Variants in PRELID2 observed in about 807,000 individuals in gnomAD.
The protein encoded by PRELID2 is PRELI domain containing 2.
In PRELID2, 25 loss-of-function variants were observed where a neutral mutation model predicts 28.4. That is an observed-to-expected ratio of 0.88 (90% CI 0.64 to 1.23). PRELID2 has a LOEUF of 1.23. Ranked by LOEUF, PRELID2 falls within the 50% of genes most tolerant of loss-of-function variation. The pLI is 0.00. For missense variants in PRELID2, 201 were observed against 214.4 expected, an observed-to-expected ratio of 0.94 and a Z score of 0.39; for synonymous variants, 76 against 71.6, an observed-to-expected ratio of 1.06 and a Z score of -0.31.
chr5:145,335,933 T>C, the PRELID2 span, among the ~76,000 whole-genome samples: 2 of 152,220 alleles, frequency 1.3e-5, no homozygotes, highest in African/African-American at 4.8e-5. Context: ...CTCCAGCACC[T>C]GTTGTTTCCT....
At chr5:145,338,964 T>C in the PRELID2 span, among the ~76,000 whole-genome samples, 1 of 152,188 alleles carries the variant, frequency 6.6e-6, no homozygotes, top group South Asian at 2.1e-4. Flanking sequence ...TTAGTCATAA[T>C]TATCTACATT....
At chr5:145,522,562 G>A (rs941750445) in intron 1 of PRELID2, among the ~76,000 whole-genome samples, 4 of 152,118 alleles carry the variant, frequency 2.6e-5, no homozygotes, top group Admixed American at 6.6e-5. Flanking sequence ...CCAAATGATG[G>A]CGTGTATGCC....
intron 1 of PRELID2, among the ~76,000 whole-genome samples, chr5:145,517,831 G>A (rs1455494844): frequency 6.6e-6 from 1 of 152,134 alleles, no homozygotes; most frequent in Non-Finnish European, 1.5e-5. Flanking sequence ...ATGAATTCAT[G>A]TCCTTTGCAG....
chr5:145,797,361 C>T (rs369622949), intron 4 of PRELID2, among the ~76,000 whole-genome samples: 165 of 152,206 alleles, frequency 1.1e-3, no homozygotes, highest in African/African-American at 3.7e-3. Context: ...TTGCTTTTAC[C>T]TATGATAGCT....
chr5:145,563,159 C>A (rs1336767840), intron 1 of PRELID2, among the ~76,000 whole-genome samples: 1 of 152,198 alleles, frequency 6.6e-6, no homozygotes, highest in African/African-American at 2.4e-5. Flanking sequence ...TCATGTGCCT[C>A]AAGTCAGCAT....
At chr5:145,737,203 C>T (rs1433415258) in intron 1 of PRELID2, among the ~76,000 whole-genome samples, 3 of 151,926 alleles carry the variant, frequency 2.0e-5, no homozygotes, top group Admixed American at 1.3e-4. Flanking sequence ...GCAGACGAGA[C>T]AGGCTCTGAA....
chr5:145,251,983 T>C, the PRELID2 span, among the ~76,000 whole-genome samples: 35 of 152,238 alleles, frequency 2.3e-4, 2 homozygotes, highest in East Asian at 6.0e-3. Flanking sequence ...CTTCCTTTTC[T>C]CTGTAGATAA....
At chr5:145,330,251 C>G in the PRELID2 span, among the ~76,000 whole-genome samples, 1 of 152,114 alleles carries the variant, frequency 6.6e-6, no homozygotes, top group Non-Finnish European at 1.5e-5. Flanking sequence ...TGTTGTGTCT[C>G]TGCCAGGTTT....
At chr5:145,767,139 C>A (rs1352119807) in intron 5 of PRELID2, among the ~76,000 whole-genome samples, 1 of 135,842 alleles carries the variant, frequency 7.4e-6, no homozygotes, top group Non-Finnish European at 1.6e-5. Context: ...CACCCCCCAC[C>A]CTGTACCCAT....
chr5:145,375,608 GC>G, the PRELID2 span, among the ~76,000 whole-genome samples: 1 of 152,200 alleles, frequency 6.6e-6, no homozygotes, highest in African/African-American at 2.4e-5. Flanking sequence ...AGAGACTGGG[GC>G]CAGCCCTCTC....
the PRELID2 span, among the ~76,000 whole-genome samples, chr5:145,286,387 C>T: frequency 5.9e-5 from 9 of 151,604 alleles, no homozygotes; most frequent in African/African-American, 2.2e-4. Context: ...TTAAATTATA[C>T]TGAGAACTTT....
chr5:145,427,763 T>C, the PRELID2 span, among the ~76,000 whole-genome samples: 3 of 152,236 alleles, frequency 2.0e-5, no homozygotes, highest in Admixed American at 2.0e-4. Context: ...TGCTATGAGA[T>C]AGTGCAAAGA....
chr5:145,389,866 T>A, the PRELID2 span, among the ~76,000 whole-genome samples: 55 of 147,902 alleles, frequency 3.7e-4, no homozygotes, highest in South Asian at 2.3e-3. Flanking sequence ...GATAAAAATT[T>A]ATATCAGACC....
chr5:145,573,174 A>C (rs148529478), intron 1 of PRELID2, among the ~76,000 whole-genome samples: 3 of 152,104 alleles, frequency 2.0e-5, no homozygotes, highest in African/African-American at 7.2e-5. Flanking sequence ...ATATACACAT[A>C]ACTTTTTGTA....
intron 4 of PRELID2, among the ~76,000 whole-genome samples, chr5:145,806,039 A>G (rs1170805115): frequency 6.6e-6 from 1 of 152,208 alleles, no homozygotes; most frequent in African/African-American, 2.4e-5. Context: ...TGGTGAGTCA[A>G]TGCAAAGGTC....
At chr5:145,401,625 C>CAT in the PRELID2 span, among the ~76,000 whole-genome samples, 1 of 152,140 alleles carries the variant, frequency 6.6e-6, no homozygotes, top group African/African-American at 2.4e-5. Flanking sequence ...CTTCTTTACT[C>CAT]ATATATATCC....
the PRELID2 span, among the ~76,000 whole-genome samples, chr5:145,264,969 T>TA: frequency 0.098 from 5,524 of 56,314 alleles, 257 homozygotes; most frequent in Non-Finnish European, 0.12. Context: ...AGTGCAACTC[T>TA]AAAAAAAAAA....
chr5:145,804,595 T>C (rs1561628876), intron 4 of PRELID2, among the ~76,000 whole-genome samples: 1 of 152,198 alleles, frequency 6.6e-6, no homozygotes, highest in Non-Finnish European at 1.5e-5. Flanking sequence ...AAGTTTTTTA[T>C]ATACATGCCT....
At chr5:145,670,811 C>T (rs1048712880) in intron 1 of PRELID2, among the ~76,000 whole-genome samples, 2 of 152,126 alleles carry the variant, frequency 1.3e-5, no homozygotes, top group African/African-American at 4.8e-5. Context: ...ATCTCAGTAG[C>T]TGGATCTAGA....
Sources: allele counts gnomAD v4.1 joint callset (sites outside exome capture counted in the v4.1 genomes callset), GRCh38; gene constraint gnomAD v4.1.1; transcripts MANE v1.5; gene names NCBI Gene and HGNC (gene_info 2026-07-23, HGNC 2026-07-21).